MISFA: variants seen among roughly 807,000 people sequenced by gnomAD.
MISFA encodes the protein mitochondrial sheath formation-associated protein.
At chr11:18,602,927 T>C in the MISFA span, 3 of 387,110 alleles carry the variant, frequency 7.7e-6, no homozygotes, top group Non-Finnish European at 1.4e-5. Context: ...TCATAATTGG[T>C]GTCTGAGCTC....
chr11:18,603,917 CTTTTTTTTTTTTTT>C, the MISFA span: 2 of 52,990 alleles, frequency 3.8e-5, no homozygotes, highest in South Asian at 9.9e-4. Flanking sequence ...AGTTACCGCA[CTTTTTTTTTTTTTT>C]TTTTTTTTTT....
chr11:18,605,879 T>C, the MISFA span, among the ~76,000 whole-genome samples: 14 of 152,174 alleles, frequency 9.2e-5, no homozygotes, highest in Admixed American at 9.2e-4. Flanking sequence ...AGTTTTGCCA[T>C]GTTGGCCAGG....
chr11:18,606,964 G>C, the MISFA span: 1 of 294,720 alleles, frequency 3.4e-6, no homozygotes, highest in Admixed American at 6.1e-5. Flanking sequence ...AGGTTCTAGC[G>C]ATTCTCCTGC....
At chr11:18,601,066 G>GCCCT in the MISFA span, 1 of 398,646 alleles carries the variant, frequency 2.5e-6, no homozygotes, top group Non-Finnish European at 4.4e-6. Flanking sequence ...AGCCATCTCT[G>GCCCT]CCCTCAAATT....
the MISFA span, chr11:18,601,869 A>G: frequency 1.7e-5 from 4 of 230,628 alleles, no homozygotes; most frequent in African/African-American, 9.0e-5. Flanking sequence ...TCTGTACAAC[A>G]GGAGATATCA....
chr11:18,600,050 A>C, the MISFA span: 3 of 398,826 alleles, frequency 7.5e-6, no homozygotes, highest in African/African-American at 6.2e-5. Flanking sequence ...GTGCTGGCTC[A>C]TCTTCCTGTC....
At chr11:18,605,563 T>C in the MISFA span, among the ~76,000 whole-genome samples, 1 of 152,188 alleles carries the variant, frequency 6.6e-6, no homozygotes, top group African/African-American at 2.4e-5. Context: ...TCAAAATCCA[T>C]AAGCAAAACT....
the MISFA span, chr11:18,607,692 A>ATTTAAAAGACTTAACCT: frequency 6.6e-6 from 1 of 152,416 alleles, no homozygotes; most frequent in Non-Finnish European, 1.5e-5. Flanking sequence ...CAAGGCCAAA[A>ATTTAAAAGACTTAACCT]TTTAAAAGAC....
the MISFA span, among the ~76,000 whole-genome samples, chr11:18,606,035 A>G: frequency 3.3e-5 from 5 of 152,290 alleles, no homozygotes; most frequent in Admixed American, 1.3e-4. Flanking sequence ...TGCTTTTATC[A>G]TAAGAGATAG....
the MISFA span, chr11:18,602,796 GAC>G: frequency 8.5e-6 from 2 of 234,908 alleles, no homozygotes; most frequent in Non-Finnish European, 1.6e-5. Context: ...CCAAATCACA[GAC>G]ACACCAGAGC....
At chr11:18,605,166 G>A in the MISFA span, among the ~76,000 whole-genome samples, 54,889 of 151,740 alleles carry the variant, frequency 0.36, 11,319 homozygotes, top group Middle Eastern at 0.49. Context: ...CTTGAACCCG[G>A]GAGGTGGGGG....
At chr11:18,608,848 G>A in the MISFA span, 1 of 152,550 alleles carries the variant, frequency 6.6e-6, no homozygotes, top group Non-Finnish European at 1.5e-5. Context: ...AGAGAAGGTG[G>A]TGCTCTCGAT....
At chr11:18,599,865 C>T in the MISFA span, 1 of 398,526 alleles carries the variant, frequency 2.5e-6, no homozygotes, top group East Asian at 3.6e-5. Context: ...ACTCCTTTGC[C>T]AAGATCTTGG....
At chr11:18,608,958 G>A in the MISFA span, 3 of 149,772 alleles carry the variant, frequency 2.0e-5, no homozygotes, top group African/African-American at 4.9e-5. Context: ...GGGCACCTTG[G>A]GATTTCAAAA....
At chr11:18,601,267 A>G in the MISFA span, 5 of 398,216 alleles carry the variant, frequency 1.3e-5, no homozygotes, top group Non-Finnish European at 2.2e-5. Context: ...GAGAATGTTT[A>G]TTCCTCTGGA....
chr11:18,600,403 A>G, the MISFA span, among the ~76,000 whole-genome samples: 1 of 146,770 alleles, frequency 6.8e-6, no homozygotes, highest in Non-Finnish European at 1.5e-5. Context: ...GGGTTTCTCC[A>G]TGTTGGTCAG....
At chr11:18,603,314 T>C in the MISFA span, 7 of 397,028 alleles carry the variant, frequency 1.8e-5, no homozygotes, top group African/African-American at 1.2e-4. Context: ...TTTTATTATT[T>C]TTTTAAAGTT....
the MISFA span, chr11:18,609,784 G>A: frequency 4.6e-6 from 6 of 1,306,290 alleles, no homozygotes; most frequent in Non-Finnish European, 6.5e-6. Context: ...AAAATGATAA[G>A]GGGGCTTCTT....
the MISFA span, chr11:18,601,369 G>A: frequency 2.5e-6 from 1 of 397,944 alleles, no homozygotes; most frequent in Non-Finnish European, 4.4e-6. Flanking sequence ...TGTCTCATAG[G>A]TGTTGTTTTG....
Sources: gnomAD v4.1 joint callset for allele counts (sites outside exome capture counted in the v4.1 genomes callset) on GRCh38, gnomAD v4.1.1 for gene constraint, MANE v1.5 for transcripts, NCBI Gene and HGNC (gene_info 2026-07-23, HGNC 2026-07-21) for gene names.